The following CSMD1 variants were observed in gnomAD, a reference collection of about 807,000 sequenced individuals.
CSMD1 encodes CUB and sushi domain-containing protein 1.
CSMD1 carries 213 observed loss-of-function variants against 417.5 expected under a neutral mutation model. The observed-to-expected ratio is 0.51, with a 90% CI of 0.46 to 0.57. CSMD1 has a LOEUF of 0.57. Ranked by LOEUF, CSMD1 falls within the 20% of genes least tolerant of loss-of-function variation. The pLI is 0.00. For synonymous variants in CSMD1, 2,862 were observed against 1,736.8 expected (o/e 1.65, Z -16.11); for missense variants, 6,923 against 4,529.7 (o/e 1.53, Z -15.17).
intron 3 of CSMD1, among the ~76,000 whole-genome samples, chr8:4,208,343 T>A (rs1398201272): frequency 1.3e-5 from 2 of 152,190 alleles, no homozygotes; most frequent in East Asian, 3.8e-4. Context: ...CTTATTTGAA[T>A]CCTTCCTGGA....
intron 10 of CSMD1, among the ~76,000 whole-genome samples, chr8:3,573,213 A>G (rs1350643582): frequency 6.6e-6 from 1 of 152,198 alleles, no homozygotes; most frequent in Admixed American, 6.5e-5. Flanking sequence ...TTTCACAACT[A>G]TTCTCTAAGG....
chr8:4,897,749 T>C (rs1464497580), intron 1 of CSMD1, among the ~76,000 whole-genome samples: 3 of 152,156 alleles, frequency 2.0e-5, no homozygotes, highest in South Asian at 2.1e-4. Context: ...TCATCAACTG[T>C]TACTGCATTA....
At chr8:3,989,254 C>T (rs1814562945) in intron 5 of CSMD1, among the ~76,000 whole-genome samples, 1 of 152,210 alleles carries the variant, frequency 6.6e-6, no homozygotes, top group Admixed American at 6.5e-5. Flanking sequence ...CAGAGCAAAC[C>T]TGCTCTACGT....
intron 2 of CSMD1, among the ~76,000 whole-genome samples, chr8:4,566,439 G>A (rs112508722): frequency 3.3e-5 from 5 of 151,354 alleles, no homozygotes; most frequent in Admixed American, 6.6e-5. Context: ...TGATCACGAG[G>A]TCAAGAGAAC....
intron 4 of CSMD1, among the ~76,000 whole-genome samples, chr8:4,009,991 CT>C (rs1284396084): frequency 6.6e-6 from 1 of 152,066 alleles, no homozygotes; most frequent in African/African-American, 2.4e-5. Context: ...TTCTGACCCC[CT>C]AATCTTAATT....
chr8:3,378,460 G>A (rs1008491889), intron 18 of CSMD1, among the ~76,000 whole-genome samples: 4 of 152,088 alleles, frequency 2.6e-5, no homozygotes, highest in African/African-American at 4.8e-5. Context: ...GAAAATTTCA[G>A]GCCAATATCC....
intron 8 of CSMD1, among the ~76,000 whole-genome samples, chr8:3,589,699 A>G (rs1441020649): frequency 2.0e-5 from 3 of 152,182 alleles, no homozygotes; most frequent in Admixed American, 6.5e-5. Context: ...TGGTGACTGT[A>G]GTTAATAACA....
rs566984032 is a variant in CSMD1, at chr8:3,526,368, G to C, written c.1345-32642C>G. Among the ~76,000 whole-genome samples, 169 of 152,116 alleles carry C rather than the reference G, an allele frequency of 1.1e-3. 1 individual carries two copies. Among genetic ancestry groups the C allele is most frequent in the African/African-American group, 3.8e-3 (157 of 41,466 alleles). ...TCCAAATCCCTTTGGTGTGAGTTGA[G>C]AGTAATAACGTCTTCTTCAATCCTA... On this transcript the variant is annotated intron_variant, in intron 10 of 69. Transcript: ENST00000635120.
chr8:4,301,875 T>TA (rs768234858), intron 3 of CSMD1, among the ~76,000 whole-genome samples: 1 of 66,510 alleles, frequency 1.5e-5, no homozygotes, highest in Non-Finnish European at 2.9e-5. Flanking sequence ...AGCTTCACCA[T>TA]AAATTTGTTG....
chr8:4,224,034 A>C (rs934702461), intron 3 of CSMD1, among the ~76,000 whole-genome samples: 8 of 152,258 alleles, frequency 5.3e-5, no homozygotes, highest in East Asian at 1.9e-4. Flanking sequence ...TTATTTTAAC[A>C]AAACATGCAT....
chr8:3,150,203 C>G (rs529971782), intron 40 of CSMD1, among the ~76,000 whole-genome samples: 1 of 152,272 alleles, frequency 6.6e-6, no homozygotes, highest in African/African-American at 2.4e-5. Context: ...ACCAAGAAAC[C>G]CGGGAGAAAC....
At chr8:3,187,067 T>C (rs950032089) in intron 36 of CSMD1, among the ~76,000 whole-genome samples, 1 of 152,184 alleles carries the variant, frequency 6.6e-6, no homozygotes, top group Non-Finnish European at 1.5e-5. Flanking sequence ...AAATTAAGCA[T>C]TCATGTTAAC....
At chr8:4,727,517 T>C (rs1272822741) in intron 1 of CSMD1, among the ~76,000 whole-genome samples, 1 of 152,134 alleles carries the variant, frequency 6.6e-6, no homozygotes, top group Non-Finnish European at 1.5e-5. Flanking sequence ...AGTGAAATAA[T>C]GCCTTCTGGG....
chr8:3,969,814 C>G (rs945980066), intron 5 of CSMD1, among the ~76,000 whole-genome samples: 1 of 152,068 alleles, frequency 6.6e-6, no homozygotes. Flanking sequence ...AAGAGAAAGA[C>G]GGGGAGATTT....
intron 1 of CSMD1, among the ~76,000 whole-genome samples, chr8:4,754,621 G>C (rs916368198): frequency 7.9e-5 from 12 of 151,958 alleles, no homozygotes; most frequent in Non-Finnish European, 1.8e-4. Context: ...GGAGGCAGAG[G>C]TGGGTGGATC....
intron 4 of CSMD1, among the ~76,000 whole-genome samples, chr8:4,008,861 C>T (rs748843088): frequency 6.6e-6 from 1 of 151,938 alleles, no homozygotes; most frequent in Non-Finnish European, 1.5e-5. Flanking sequence ...CCGTCCGCCT[C>T]GGCCTCCCAA....
intron 12 of CSMD1, among the ~76,000 whole-genome samples, chr8:3,429,760 A>G (rs1354535043): frequency 1.3e-5 from 2 of 152,152 alleles, no homozygotes; most frequent in Admixed American, 1.3e-4. Flanking sequence ...AATAAAGTCT[A>G]TGGTTGTTGT....
At chr8:4,080,754 A>G (rs187114225) in intron 3 of CSMD1, among the ~76,000 whole-genome samples, 25 of 152,316 alleles carry the variant, frequency 1.6e-4, no homozygotes, top group Admixed American at 1.6e-3. Context: ...ATTTTAATAT[A>G]AGGTGAATAA....
chr8:3,406,022 T>G lies in CSMD1; in HGVS notation c.2266+5A>C. On this transcript the variant is annotated splice_donor_5th_base_variant and intron_variant, in intron 15 of 69. Transcript: ENST00000635120. ...GAGAAGAGCGGGGGGTGGCAGGGAC[T>G]GCACCTTCACAGCGGGGCACGGTGG... 1 of 1,613,102 alleles carries G rather than the reference T, an allele frequency of 6.2e-7. No individual in the cohort carries two copies. Among genetic ancestry groups the G allele is most frequent in the Non-Finnish European group, 8.5e-7 (1 of 1,179,462 alleles).
Sources: gnomAD v4.1 joint callset for allele counts (sites outside exome capture counted in the v4.1 genomes callset) on GRCh38, gnomAD v4.1.1 for gene constraint, MANE v1.5 for transcripts, NCBI Gene and HGNC (gene_info 2026-07-23, HGNC 2026-07-21) for gene names.